CAPN1: variants seen among roughly 807,000 people sequenced by gnomAD.
CAPN1 encodes the protein calpain-1 catalytic subunit.
CAPN1 carries 77 observed loss-of-function variants against 105.2 expected under a neutral mutation model. That is an observed-to-expected ratio of 0.73 (90% CI 0.61 to 0.88). The LOEUF (loss-of-function observed/expected upper bound fraction) is 0.88, where lower values mean the gene tolerates loss of function less well. Ranked by LOEUF, CAPN1 falls within the 40% of genes least tolerant of loss-of-function variation. CAPN1 has a pLI of 0.00. For missense variants in CAPN1, 833 were observed against 976.6 expected (o/e 0.85, Z 1.96); for synonymous variants, 355 against 388.8 (o/e 0.91, Z 1.02).
chr11:65,191,939 A>G (rs1343062560), intron 10 of CAPN1, among the ~76,000 whole-genome samples: 4 of 152,184 alleles, frequency 2.6e-5, no homozygotes, highest in Non-Finnish European at 5.9e-5. Flanking sequence ...TATCAGACTA[A>G]TGAAGTTTAA....
chr11:65,190,709 TTTG>T (rs1420853709), intron 10 of CAPN1, among the ~76,000 whole-genome samples: 3 of 105,940 alleles, frequency 2.8e-5, no homozygotes, highest in African/African-American at 1.0e-4. Context: ...GTTGGTTTTT[TTTG>T]TTTTTGTTTT....
Position 65,208,187 on chromosome 11 carries a change from C to T in CAPN1, c.1672-18C>T. The T allele has an allele frequency of 6.3e-7, 1 of 1,584,670 alleles. No individual in the cohort carries two copies. Among genetic ancestry groups the T allele is most frequent in the Non-Finnish European group, 8.6e-7 (1 of 1,165,430 alleles). On this transcript the variant is annotated intron_variant, in intron 15 of 21. Coordinates refer to ENST00000279247, the MANE Select transcript of CAPN1 (RefSeq NM_005186.4). This position sits in a 1 kb window ranked among gnomAD's most constrained non-coding sequence, Gnocchi z 4.1. Reference sequence around the variant, plus strand: ...CAGCCCTCTCCTGGGGCAGGTGCCACCTCCTCTCTCTCCCCAGGACATGGA... The same window carrying T: ...CAGCCCTCTCCTGGGGCAGGTGCCATCTCCTCTCTCTCCCCAGGACATGGA...
At position 65,209,836 on chromosome 11, in the gene CAPN1, A is replaced by G; in HGVS notation, c.1795-13A>G. ...GTCTAAGTGATGGAATTTCCTTCTTAACGGCCACCCAGCGTGATGGCAATG... is the reference window on the plus strand; with the variant it reads ...GTCTAAGTGATGGAATTTCCTTCTTGACGGCCACCCAGCGTGATGGCAATG... On this transcript the variant is annotated splice_polypyrimidine_tract_variant and intron_variant, in intron 17 of 21. Transcript: ENST00000279247. The surrounding 1 kb of genome is among the most constrained non-coding windows in gnomAD (Gnocchi z 4.1). The G allele has an allele frequency of 6.2e-7, 1 of 1,612,966 alleles. No homozygotes were observed. Among genetic ancestry groups the G allele is most frequent in the South Asian group, 1.1e-5 (1 of 91,004 alleles).
Position 65,208,167 on chromosome 11 carries a change from C to G in CAPN1, c.1672-38C>G. ...TGGGAGGGGCCTGTGAGGGGCAGCC[C>G]TCTCCTGGGGCAGGTGCCACCTCCT... is the stretch of plus-strand genomic sequence containing the variant. On this transcript the variant is annotated intron_variant, in intron 15 of 21. Transcript: ENST00000279247. The surrounding 1 kb of genome is among the most constrained non-coding windows in gnomAD (Gnocchi z 4.1). The G allele has an allele frequency of 1.3e-6, 2 of 1,592,732 alleles. No homozygotes were observed. The highest frequency in any genetic ancestry group is 1.3e-5 in the African/African-American group (1 of 74,620).
At position 65,195,318 on chromosome 11, in the gene CAPN1, C is replaced by A. The variant is rs370301728; in HGVS notation, c.1165+6572C>A. ...TTAGTAGAGACAGGGTTTCACCCTT[C>A]AGACCAGCCGTGTTGGTCAGGCTGG... On this transcript the variant is annotated intron_variant, in intron 10 of 21. Transcript: ENST00000279247. 1.6e-4 allele frequency among the ~76,000 whole-genome samples: 25 copies of A among 152,100 alleles called. No individual in the cohort carries two copies. The East Asian group carries it at 4.3e-3, about 26-fold the overall frequency.
At chr11:65,190,808 G>C (rs1366378626) in intron 10 of CAPN1, among the ~76,000 whole-genome samples, 4 of 151,896 alleles carry the variant, frequency 2.6e-5, no homozygotes, top group African/African-American at 9.7e-5. Context: ...TGCCTCCTGG[G>C]TTCAGATGAT....
intron 11 of CAPN1, 93 bp downstream of exon 11, chr11:65,204,951 G>A (rs1241744508): frequency 7.6e-6 from 8 of 1,054,944 alleles, no homozygotes; most frequent in South Asian, 6.0e-5. Flanking sequence ...ACCAGGGGGC[G>A]CCAGGGACCA....
Position 65,209,335 on chromosome 11 carries a change from G to A in CAPN1, c.1742G>A (p.Arg581Gln), listed in dbSNP as rs186133302. 7.6e-5 allele frequency: 122 copies of A among 1,613,614 alleles called. 1 individual carries two copies. The East Asian group carries it at 2.0e-3, about 27-fold the overall frequency. ...NRIISKHKDL[R>Q]TKGFSLESCR... Reference sequence around the variant, plus strand: ...GTTTTTCTTGCAGACAAAGACCTGCGGACCAAGGGCTTCAGCCTAGAGTCG... The same window carrying A: ...GTTTTTCTTGCAGACAAAGACCTGCAGACCAAGGGCTTCAGCCTAGAGTCG... Residue 581 changes from arginine (R) to glutamine (Q), a missense_variant, in exon 17 of 22, where the codon CGG becomes CAG. Coordinates refer to ENST00000279247, the MANE Select transcript of CAPN1 (RefSeq NM_005186.4). This position sits in a 1 kb window ranked among gnomAD's most constrained non-coding sequence, Gnocchi z 4.1.
intron 11 of CAPN1, 49 bp downstream of exon 11, chr11:65,204,907 T>C: frequency 6.5e-7 from 1 of 1,526,750 alleles, no homozygotes; most frequent in Non-Finnish European, 9.0e-7. Context: ...GCAGAGGACC[T>C]GGCGCCCCCG....
chr11:65,206,880 TG>T, intron 14 of CAPN1, 61 bp downstream of exon 14: 3 of 1,514,686 alleles, frequency 2.0e-6, no homozygotes, highest in Admixed American at 1.9e-5. Flanking sequence ...GGGTGTGTGA[TG>T]GGGACCCAGG....
chr11:65,183,631 G>A (rs1449302651), intron 4 of CAPN1, 39 bp downstream of exon 4: 1 of 1,387,062 alleles, frequency 7.2e-7, no homozygotes, highest in Non-Finnish European at 1.0e-6. Context: ...GCAGGCACTG[G>A]GGGAGATGCG....
In CAPN1 at chr11:65,208,228, G is replaced by A. The variant is rs778083652; in HGVS notation, c.1695G>A (p.Glu565=). The A allele has an allele frequency of 2.2e-5, 34 of 1,575,878 alleles. No individual in the cohort carries two copies. The highest frequency in any genetic ancestry group is 3.7e-5 in the Admixed American group (2 of 53,994). ...AGGACATGGAGATCAGCGTGAAGGAGTTGCGGACAATCCTCAATAGGATCA... is the reference window on the plus strand; with the variant it reads ...AGGACATGGAGATCAGCGTGAAGGAATTGCGGACAATCCTCAATAGGATCA... ...AGEDMEISVK[E]LRTILNRIIS... The change falls in exon 16 of 22, where the codon GAG becomes GAA. Residue 565 remains glutamate, a synonymous_variant. Coordinates refer to ENST00000279247, the MANE Select transcript of CAPN1 (RefSeq NM_005186.4). This position sits in a 1 kb window ranked among gnomAD's most constrained non-coding sequence, Gnocchi z 4.1.
chr11:65,184,367 G>T (rs1486343994), intron 4 of CAPN1, among the ~76,000 whole-genome samples: 2 of 151,968 alleles, frequency 1.3e-5, no homozygotes, highest in Non-Finnish European at 2.9e-5. Context: ...GCGCAGTCTC[G>T]CCCCCTTCCC....
chr11:65,193,563 T>C (rs941521418), intron 10 of CAPN1, among the ~76,000 whole-genome samples: 1 of 137,824 alleles, frequency 7.3e-6, no homozygotes, highest in Non-Finnish European at 1.5e-5. Context: ...GAGAATGGTG[T>C]GAACCTGGGA....
chr11:65,210,095 A>G lies in CAPN1; in HGVS notation c.1941A>G (p.Ala647=). The change falls in exon 19 of 22, where the codon GCA becomes GCG. Residue 647 remains alanine (A), a splice_region_variant and synonymous_variant. Coordinates refer to ENST00000279247, the MANE Select transcript of CAPN1 (RefSeq NM_005186.4). The surrounding 1 kb of genome is among the most constrained non-coding windows in gnomAD (Gnocchi z 4.3). ...AGATGCGGATGGCCATTGAGTCGGC[A>G]GGTGAGACTCCAAGGCTGACGGCAC... The part of the protein sequence containing the change: ...AYEMRMAIES[A]GFKLNKKLYE... The G allele has an allele frequency of 6.2e-7, 1 of 1,611,244 alleles. No individual in the cohort carries two copies. The highest frequency in any genetic ancestry group is 2.2e-5 in the East Asian group (1 of 44,848).
intron 4 of CAPN1, among the ~76,000 whole-genome samples, chr11:65,184,648 T>C (rs1565389721): frequency 6.6e-6 from 1 of 152,104 alleles, no homozygotes; most frequent in Non-Finnish European, 1.5e-5. Flanking sequence ...CATCTTGTGG[T>C]TGTAGGATCT....
intron 7 of CAPN1, 51 bp downstream of exon 7, chr11:65,187,349 C>T: frequency 7.9e-7 from 1 of 1,273,794 alleles, no homozygotes; most frequent in South Asian, 1.3e-5. Flanking sequence ...GCCCCCTGGC[C>T]TGTCCTTGCC....
At chr11:65,198,240 A>C (rs1268251741) in intron 10 of CAPN1, among the ~76,000 whole-genome samples, 1 of 151,922 alleles carries the variant, frequency 6.6e-6, no homozygotes, top group Admixed American at 6.6e-5. Context: ...TCCTGGGCTC[A>C]AGCCATCCTC....
rs749806297 is a variant in CAPN1 at position 65,188,544 on chromosome 11, G to A, written c.1005-42G>A. 31 of 1,613,504 alleles carry A rather than the reference G, an allele frequency of 1.9e-5. No individual in the cohort carries two copies. Among genetic ancestry groups the A allele is most frequent in the Non-Finnish European group, 2.4e-5 (28 of 1,179,542 alleles). On this transcript the variant is annotated intron_variant, in intron 9 of 21. Coordinates refer to ENST00000279247, the MANE Select transcript of CAPN1 (RefSeq NM_005186.4). This position sits in a 1 kb window ranked among gnomAD's most constrained non-coding sequence, Gnocchi z 5.5. ...CTCCACCCCTACACATCAGCTCTGT[G>A]CCCTGACGGGCTGTGCCTCACCTGT... is the stretch of plus-strand genomic sequence containing the variant.
Sources: gnomAD v4.1 joint callset for allele counts (sites outside exome capture counted in the v4.1 genomes callset) on GRCh38, gnomAD v4.1.1 for gene constraint, Gnocchi (gnomAD v3.1) non-coding constraint, MANE v1.5 for transcripts, NCBI Gene and HGNC (gene_info 2026-07-23, HGNC 2026-07-21) for gene names.